The following ANXA6 variants were observed in gnomAD, a reference collection of about 807,000 sequenced individuals.
ANXA6 encodes 67 kDa calelectrin.
ANXA6 carries 71 observed loss-of-function variants against 95.4 expected under a neutral mutation model. The observed-to-expected ratio is 0.74, with a 90% CI of 0.61 to 0.91. The LOEUF (loss-of-function observed/expected upper bound fraction) is 0.91. Among genes scored for constraint, ANXA6 ranks in the 40% least tolerant of loss-of-function variants. The pLI is 0.00. For missense variants in ANXA6, 830 were observed against 876.4 expected, an observed-to-expected ratio of 0.95 and a Z score of 0.67; for synonymous variants, 289 against 315.9, an observed-to-expected ratio of 0.91 and a Z score of 0.90.
intron 10 of ANXA6, among the ~76,000 whole-genome samples, chr5:151,131,681 G>GT (rs1160368787): frequency 6.6e-6 from 1 of 152,098 alleles, no homozygotes; most frequent in Non-Finnish European, 1.5e-5. Context: ...CTGAATCACC[G>GT]TGAGTCCCAC....
chr5:151,105,728 C>T lies in ANXA6; in HGVS notation c.1781-425G>A, dbSNP rs558375408. Among the ~76,000 whole-genome samples the T allele has an allele frequency of 1.1e-4, 17 of 152,234 alleles. No individual in the cohort carries two copies. The South Asian group carries it at 2.7e-3, about 24-fold the overall frequency. On this transcript the variant is annotated intron_variant, in intron 23 of 25. Transcript: ENST00000354546. Reference sequence around the variant, plus strand: ...GCAGTGGTTCTCAAAGTGTGGTTTCCGGACCAACAACATTAGCATCACTTG... The same window carrying T: ...GCAGTGGTTCTCAAAGTGTGGTTTCTGGACCAACAACATTAGCATCACTTG...
rs1006682796 is a variant in ANXA6 at position 151,139,582 on chromosome 5, G to A, written c.110-135C>T. The A allele has an allele frequency of 1.0e-5, 7 of 689,050 alleles. No individual in the cohort carries two copies. In the African/African-American group the frequency reaches 1.2e-4, roughly 12 times the overall value. 42.7% of individuals were successfully genotyped at this position (689,050 alleles called of 1,614,324 possible). On this transcript the variant is annotated intron_variant, in intron 3 of 25. Coordinates refer to ENST00000354546, the MANE Select transcript of ANXA6 (RefSeq NM_001155.5). ...ATGAGCCTTCCACTCATCAGGTGCT[G>A]GTGTCAGGGCAGAGGGTCATGGGGA... is the stretch of plus-strand genomic sequence containing the variant.
chr5:151,134,466 A>C lies in ANXA6; in HGVS notation c.507T>G (p.Asp169Glu), dbSNP rs752245862. 2 of 1,613,960 alleles carry C rather than the reference A, an allele frequency of 1.2e-6. No individual in the cohort carries two copies. Among genetic ancestry groups the C allele is most frequent in the Non-Finnish European group, 1.7e-6 (2 of 1,179,878 alleles). ...GTACCAGGTCCTCGCTCACTACGTCATCCTCCTCCCTGGTTCCCTGGGCAG... is the reference window on the plus strand; with the variant it reads ...GTACCAGGTCCTCGCTCACTACGTCCTCCTCCTCCCTGGTTCCCTGGGCAG... The part of the protein sequence containing the change: ...VVLLQGTREE[D>E]DVVSEDLVQQ... The change falls in exon 8 of 26, where the codon GAT becomes GAG. Residue 169 changes from aspartate (D) to glutamate (E), a missense_variant. By Grantham distance (45) the Asp-to-Glu change is conservative. Coordinates refer to ENST00000354546, the MANE Select transcript of ANXA6 (RefSeq NM_001155.5).
chr5:151,103,321 A>G (rs1044353890), intron 25 of ANXA6, among the ~76,000 whole-genome samples: 1 of 152,236 alleles, frequency 6.6e-6, no homozygotes, highest in Non-Finnish European at 1.5e-5. Context: ...ATACTTCCAT[A>G]ACATTGCTTT....
intron 6 of ANXA6, among the ~76,000 whole-genome samples, chr5:151,136,992 CCTT>C (rs1157875418): frequency 1.3e-5 from 2 of 152,112 alleles, no homozygotes; most frequent in East Asian, 3.8e-4. Context: ...TTGTGTGTCT[CCTT>C]CATTATCTCA....
At chr5:151,107,293 C>G (rs899246895) in intron 23 of ANXA6, among the ~76,000 whole-genome samples, 1 of 152,230 alleles carries the variant, frequency 6.6e-6, no homozygotes, top group Admixed American at 6.5e-5. Context: ...AAAATCCACC[C>G]TATGGGCTGG....
chr5:151,148,368 C>T (rs1441951492), intron 1 of ANXA6, among the ~76,000 whole-genome samples: 1 of 152,148 alleles, frequency 6.6e-6, no homozygotes, highest in Non-Finnish European at 1.5e-5. Flanking sequence ...TTTCTAGATC[C>T]CAGAGTCTAT....
chr5:151,129,367 G>A, intron 12 of ANXA6, 40 bp downstream of exon 12: 3 of 1,609,458 alleles, frequency 1.9e-6, no homozygotes, highest in African/African-American at 1.3e-5. Context: ...TTGGCAAAAA[G>A]CTCTTTGCTC....
intron 21 of ANXA6, among the ~76,000 whole-genome samples, chr5:151,110,357 C>T (rs1160471144): frequency 2.0e-5 from 3 of 152,210 alleles, no homozygotes; most frequent in African/African-American, 4.8e-5. Flanking sequence ...GTAAATTCCC[C>T]TTAACTCATT....
intron 2 of ANXA6, chr5:151,140,577 A>AATATATATATATAT (rs61352316): frequency 1.5e-4 from 21 of 143,844 alleles, no homozygotes; most frequent in Non-Finnish European, 2.3e-4. Flanking sequence ...GCAAGAGTCA[A>AATATATATATATAT]ATATATATAT....
intron 10 of ANXA6, 125 bp downstream of exon 10, chr5:151,132,351 C>A (rs1190870799): frequency 1.1e-5 from 8 of 759,642 alleles, no homozygotes; most frequent in African/African-American, 1.8e-5. Context: ...GAATTCACGG[C>A]CCACATGGTT....
chr5:151,131,203 C>T, intron 11 of ANXA6, 28 bp downstream of exon 11: 1 of 1,612,882 alleles, frequency 6.2e-7, no homozygotes. Context: ...TCTCCCCAAA[C>T]CCCATTCACA....
At position 151,136,334 on chromosome 5, in the gene ANXA6, G is replaced by A; in HGVS notation, c.411C>T (p.Ala137=). ...MHQLVAAYKD[A]YERDLEADII... ...TGTCAGCCTCCAGGTCCCGCTCGTAGGCTGCAGAAAGGAACGCAAGCTCTA... is the reference window on the plus strand; with the variant it reads ...TGTCAGCCTCCAGGTCCCGCTCGTAAGCTGCAGAAAGGAACGCAAGCTCTA... The change falls in exon 7 of 26, where the codon GCC becomes GCT. Residue 137 remains alanine, a splice_region_variant and synonymous_variant. Coordinates refer to ENST00000354546, the MANE Select transcript of ANXA6 (RefSeq NM_001155.5). The A allele has an allele frequency of 6.2e-7, 1 of 1,613,912 alleles. No individual in the cohort carries two copies. The highest frequency in any genetic ancestry group is 8.5e-7 in the Non-Finnish European group (1 of 1,179,798).
chr5:151,145,172 G>C (rs2113953386), intron 2 of ANXA6, among the ~76,000 whole-genome samples: 1 of 152,284 alleles, frequency 6.6e-6, no homozygotes, highest in East Asian at 1.9e-4. Flanking sequence ...GCCGGGCCCT[G>C]GGGCTCTGTG....
Position 151,103,663 on chromosome 5 carries a change from G to A in ANXA6, c.1869C>T (p.Thr623=), listed in dbSNP as rs1764611165. The A allele has an allele frequency of 6.2e-7, 1 of 1,610,822 alleles. No individual in the cohort carries two copies. Among genetic ancestry groups the A allele is most frequent in the Non-Finnish European group, 8.5e-7 (1 of 1,178,602 alleles). The change falls in exon 25 of 26, where the codon ACC becomes ACT. Residue 623 remains threonine (T), a synonymous_variant. Coordinates refer to ENST00000354546, the MANE Select transcript of ANXA6 (RefSeq NM_001155.5). ...TCTCACTGCGGGATACCATGATCCT[G>A]GTCAGAGTCTTCTCATCTGTGCCAG... ...KGAGTDEKTL[T]RIMVSRSEID... is the part of the protein sequence containing the mutation.
Position 151,117,853 on chromosome 5 carries a change from G to A in ANXA6, c.1439-16C>T. The A allele has an allele frequency of 1.2e-6, 2 of 1,609,198 alleles. No homozygotes were observed. The highest frequency in any genetic ancestry group is 2.2e-5 in the East Asian group (1 of 44,832). ...TTGTGATAGTCTGAGGCAGAGAAAG[G>A]GGGTGTGGGTAGCTGCTGGCCAAGA... On this transcript the variant is annotated splice_polypyrimidine_tract_variant and intron_variant, in intron 18 of 25. Transcript: ENST00000354546.
At chr5:151,147,165 C>T (rs193216801) in intron 2 of ANXA6, among the ~76,000 whole-genome samples, 2 of 152,244 alleles carry the variant, frequency 1.3e-5, no homozygotes, top group African/African-American at 2.4e-5. Flanking sequence ...CAGGTGCCTC[C>T]AATTCTATTG....
chr5:151,110,795 G>A (rs982427475), intron 20 of ANXA6, among the ~76,000 whole-genome samples, 151 bp from the exon 21 acceptor site: 4 of 152,124 alleles, frequency 2.6e-5, no homozygotes, highest in Non-Finnish European at 4.4e-5. Context: ...CCCGGGATGC[G>A]AAAGGAAGGG....
At position 151,110,632 on chromosome 5, in the gene ANXA6, T is replaced by C; in HGVS notation, c.1585A>G (p.Ile529Val). 6.2e-7 allele frequency: 1 copy of C among 1,612,938 alleles called. No homozygotes were observed. Among genetic ancestry groups the C allele is most frequent in the Admixed American group, 1.7e-5 (1 of 59,972 alleles). Reference protein sequence around the residue: ...AREDAQVAAEILEIADTPSGD... With the variant: ...AREDAQVAAEVLEIADTPSGD... ...ATGAAGAACAGGACACTCACCAAGA[T>C]CTCAGCAGCCACCTGAGAGCAGGGA... The change falls in exon 21 of 26, where the codon ATC becomes GTC. Residue 529 changes from isoleucine to valine, a missense_variant. Coordinates refer to ENST00000354546, the MANE Select transcript of ANXA6 (RefSeq NM_001155.5).
Sources: allele counts gnomAD v4.1 joint callset (sites outside exome capture counted in the v4.1 genomes callset), GRCh38; gene constraint gnomAD v4.1.1; transcripts MANE v1.5; gene names NCBI Gene and HGNC (gene_info 2026-07-23, HGNC 2026-07-21).